Variants in PTPN13 observed in about 807,000 individuals in gnomAD.
PTPN13 encodes the protein protein tyrosine phosphatase non-receptor type 13.
In PTPN13, 191 loss-of-function variants were observed where a neutral mutation model predicts 284.0. The observed-to-expected ratio is 0.67, with a 90% CI of 0.60 to 0.76. The LOEUF is 0.76. Among genes scored for constraint, PTPN13 ranks in the 30% least tolerant of loss-of-function variants. PTPN13 has a pLI of 0.00. For synonymous variants in PTPN13, 986 were observed against 1,022.3 expected, an observed-to-expected ratio of 0.96 and a Z score of 0.68; for missense variants, 2,797 against 2,939.9, an observed-to-expected ratio of 0.95 and a Z score of 1.12.
At chr4:86,786,497 ATGTG>A (rs1295532517) in intron 40 of PTPN13, among the ~76,000 whole-genome samples, 2 of 152,188 alleles carry the variant, frequency 1.3e-5, no homozygotes, top group Non-Finnish European at 2.9e-5. Flanking sequence ...TTTACAAATA[ATGTG>A]TATATATACA....
chr4:86,790,237 T>C (rs1342325785), intron 40 of PTPN13, among the ~76,000 whole-genome samples: 1 of 152,230 alleles, frequency 6.6e-6, no homozygotes, highest in Non-Finnish European at 1.5e-5. Flanking sequence ...GTAGAACTTC[T>C]ACATTTACAT....
chr4:86,714,733 A>G (rs1190034213), intron 7 of PTPN13, among the ~76,000 whole-genome samples: 2 of 152,186 alleles, frequency 1.3e-5, no homozygotes, highest in Non-Finnish European at 2.9e-5. Flanking sequence ...TACCACTTAT[A>G]TACATTTATT....
chr4:86,723,578 C>G (rs778796889), intron 10 of PTPN13, among the ~76,000 whole-genome samples: 2 of 152,196 alleles, frequency 1.3e-5, no homozygotes, highest in Non-Finnish European at 2.9e-5. Flanking sequence ...TTGCAGATAA[C>G]TTTCTCCAAG....
At chr4:86,812,631 G>T (rs767437389) in intron 47 of PTPN13, among the ~76,000 whole-genome samples, 10 of 152,126 alleles carry the variant, frequency 6.6e-5, no homozygotes, top group Non-Finnish European at 1.2e-4. Flanking sequence ...GATCTCTGGG[G>T]ACAAGAGCCT....
At chr4:86,707,526 A>G (rs1331570263) in intron 7 of PTPN13, among the ~76,000 whole-genome samples, 1 of 152,218 alleles carries the variant, frequency 6.6e-6, no homozygotes, top group Non-Finnish European at 1.5e-5. Flanking sequence ...AAAAGTTTAC[A>G]TTCTTACAGT....
At chr4:86,679,392 A>G (rs188015151) in intron 3 of PTPN13, among the ~76,000 whole-genome samples, 1 of 152,182 alleles carries the variant, frequency 6.6e-6, no homozygotes, top group East Asian at 1.9e-4. Context: ...TGTATCCCCT[A>G]TGCTCTCTAC....
chr4:86,646,321 A>G (rs868158258), intron 2 of PTPN13, among the ~76,000 whole-genome samples: 81 of 148,758 alleles, frequency 5.4e-4, no homozygotes, highest in African/African-American at 2.0e-3. Flanking sequence ...TTTTAAAGAC[A>G]GAATCTCCCT....
At chr4:86,621,148 T>C (rs1316740470) in intron 1 of PTPN13, among the ~76,000 whole-genome samples, 1 of 152,194 alleles carries the variant, frequency 6.6e-6, no homozygotes, top group Non-Finnish European at 1.5e-5. Context: ...GGGGTACACG[T>C]GGGGATCACA....
At chr4:86,734,009 G>T (rs896327979) in intron 12 of PTPN13, among the ~76,000 whole-genome samples, 7 of 152,190 alleles carry the variant, frequency 4.6e-5, no homozygotes, top group African/African-American at 1.7e-4. Flanking sequence ...CAAGAAAACT[G>T]ATGTCTAGAG....
chr4:86,784,387 G>A (rs2149316104), intron 37 of PTPN13, 78 bp from the exon 38 acceptor site: 1 of 876,910 alleles, frequency 1.1e-6, no homozygotes, highest in Non-Finnish European at 1.8e-6. Flanking sequence ...AAGAAGAGGA[G>A]AGAGACAATG....
At chr4:86,780,927 A>T (rs1423942680) in intron 36 of PTPN13, among the ~76,000 whole-genome samples, 1 of 152,038 alleles carries the variant, frequency 6.6e-6, no homozygotes, top group African/African-American at 2.4e-5. Context: ...AATTATAGTG[A>T]CAGCAGCTCA....
intron 6 of PTPN13, among the ~76,000 whole-genome samples, chr4:86,693,915 A>T (rs1730302649): frequency 6.6e-6 from 1 of 152,100 alleles, no homozygotes; most frequent in African/African-American, 2.4e-5. Context: ...TTCCCTTTCC[A>T]GTATTGGTAT....
chr4:86,723,002 A>G (rs1423697213), intron 10 of PTPN13, among the ~76,000 whole-genome samples: 4 of 152,200 alleles, frequency 2.6e-5, no homozygotes, highest in Non-Finnish European at 5.9e-5. Flanking sequence ...ATTTTTATGT[A>G]TCTGTTCTTC....
At chr4:86,677,358 A>G (rs1728401364) in intron 3 of PTPN13, among the ~76,000 whole-genome samples, 1 of 147,802 alleles carries the variant, frequency 6.8e-6, no homozygotes, top group African/African-American at 2.5e-5. Context: ...CTCTGTCACC[A>G]GGCTGGAGTG....
intron 2 of PTPN13, among the ~76,000 whole-genome samples, chr4:86,667,540 G>T (rs1050091087): frequency 6.6e-6 from 1 of 152,134 alleles, no homozygotes. Context: ...ATGTTAAAAT[G>T]TAGGGGAACT....
intron 2 of PTPN13, among the ~76,000 whole-genome samples, chr4:86,653,413 A>T (rs1307174016): frequency 6.6e-6 from 1 of 151,554 alleles, no homozygotes; most frequent in Non-Finnish European, 1.5e-5. Flanking sequence ...TTCAAAGGGG[A>T]TTGAGTATTG....
rs144757621 is a variant in PTPN13 at position 86,771,700 on chromosome 4, T to C, written c.5168+165T>C. Among the ~76,000 whole-genome samples the C allele has an allele frequency of 1.4e-3, 210 of 152,348 alleles. 2 individuals carry two copies. The highest frequency in any genetic ancestry group is 4.8e-3 in the African/African-American group (199 of 41,576). On this transcript the variant is annotated intron_variant, in intron 31 of 47. Coordinates refer to ENST00000411767, the MANE Select transcript of PTPN13 (RefSeq NM_080683.3). ...TGTCTAGCTATTGTGACTGATAGTT[T>C]TAGTTAGCAAACCAATAAGCTCTCT...
intron 9 of PTPN13, among the ~76,000 whole-genome samples, chr4:86,718,883 A>G (rs1470442736): frequency 1.3e-5 from 2 of 152,190 alleles, no homozygotes; most frequent in Non-Finnish European, 2.9e-5. Flanking sequence ...GCATAATAGC[A>G]TTTTATATTA....
Position 86,684,486 on chromosome 4 carries a change from G to C in PTPN13, c.295-2224G>C, listed in dbSNP as rs547667287. The stretch of plus-strand genomic sequence containing the variant: ...TGGAAATAGAGGAAGGTCACAGTGA[G>C]CCCTAAATGTCATTATTTTAAAATT... On this transcript the variant is annotated intron_variant, in intron 3 of 47. Coordinates refer to ENST00000411767, the MANE Select transcript of PTPN13 (RefSeq NM_080683.3). Among the ~76,000 whole-genome samples the C allele has an allele frequency of 1.4e-4, 21 of 152,228 alleles. No homozygotes were observed. In the South Asian group the frequency reaches 3.5e-3, roughly 26 times the overall value.
Sources: gnomAD v4.1 joint callset for allele counts (sites outside exome capture counted in the v4.1 genomes callset) on GRCh38, gnomAD v4.1.1 for gene constraint, MANE v1.5 for transcripts, NCBI Gene and HGNC (gene_info 2026-07-23, HGNC 2026-07-21) for gene names.